The following TCF20 variants were observed in gnomAD, a reference collection of about 807,000 sequenced individuals.
TCF20 encodes SPRE-binding protein.
TCF20 carries 3 observed loss-of-function variants against 148.6 expected under a neutral mutation model. The ratio of observed to expected loss-of-function variants is 0.02; its 90% CI spans 0.01 to 0.05. TCF20 has a LOEUF of 0.05. TCF20 is among the 10% of genes least tolerant of loss of function. The probability of loss-of-function intolerance (pLI) is 1.00; values close to 1 mark genes in which losing one functional copy is unlikely to be tolerated. For missense variants in TCF20, 2,350 were observed against 2,429.3 expected, an observed-to-expected ratio of 0.97 and a Z score of 0.69; for synonymous variants, 1,049 against 909.5, an observed-to-expected ratio of 1.15 and a Z score of -2.76.
chr22:42,263,755 T>G (rs1024156457), intron 1 of TCF20, among the ~76,000 whole-genome samples: 1 of 152,166 alleles, frequency 6.6e-6, no homozygotes, highest in South Asian at 2.1e-4. Context: ...CTCCTTGATA[T>G]CTTAAGATTG....
intron 2 of TCF20, among the ~76,000 whole-genome samples, chr22:42,191,810 G>A (rs1015238413): frequency 4.6e-5 from 7 of 152,200 alleles, no homozygotes; most frequent in African/African-American, 1.7e-4. Flanking sequence ...CCATTGATTA[G>A]CACTTTTCCT....
In TCF20 at chr22:42,214,221, T is replaced by C; in HGVS notation, c.1085A>G (p.Gln362Arg). 2 of 1,614,242 alleles carry C rather than the reference T, an allele frequency of 1.2e-6. No individual in the cohort carries two copies. The highest frequency in any genetic ancestry group is 1.7e-6 in the Non-Finnish European group (2 of 1,180,042). ...AGGGTTAGAAATGGGGCTGAAGTTC[T>C]GGTGAAACTGCATGGGGGACCTCAC... ...VPVRSPMQFHQNFSPISNPSP... is the reference protein window; with the variant it reads ...VPVRSPMQFHRNFSPISNPSP... Residue 362 changes from glutamine (Q) to arginine (R), a missense_variant, in exon 2 of 6, where the codon CAG (glutamine) becomes CGG (arginine). Around this residue, in one of 7 missense-constraint regions of TCF20, gnomAD observed 1,641 missense variants for 1,662.6 expected, o/e 0.99. Coordinates refer to ENST00000677622, the MANE Select transcript of TCF20 (RefSeq NM_001378418.1).
chr22:42,188,387 T>C (rs534358796), intron 2 of TCF20, among the ~76,000 whole-genome samples: 99 of 150,096 alleles, frequency 6.6e-4, no homozygotes, highest in African/African-American at 2.4e-3. Flanking sequence ...AGGTAACCCT[T>C]GGCTAACGAA....
At chr22:42,234,229 G>C (rs1403439154) in intron 1 of TCF20, among the ~76,000 whole-genome samples, 2 of 152,236 alleles carry the variant, frequency 1.3e-5, no homozygotes, top group Non-Finnish European at 2.9e-5. Flanking sequence ...GGGACAAACA[G>C]ATTTTAATGT....
chr22:42,287,378 C>T (rs765821175), upstream of TCF20, among the ~76,000 whole-genome samples: 10 of 152,142 alleles, frequency 6.6e-5, no homozygotes, highest in Non-Finnish European at 7.3e-5. Context: ...GCCCAGAGAA[C>T]GGAACTGAGT....
At chr22:42,180,111 G>T (rs1936699204) in intron 2 of TCF20, among the ~76,000 whole-genome samples, 1 of 152,162 alleles carries the variant, frequency 6.6e-6, no homozygotes, top group African/African-American at 2.4e-5. Context: ...AAAATCTGGG[G>T]TAAGAGAGGG....
chr22:42,166,014 T>A (rs1026802067), intron 5 of TCF20, among the ~76,000 whole-genome samples: 3 of 152,068 alleles, frequency 2.0e-5, no homozygotes, highest in African/African-American at 7.2e-5. Flanking sequence ...CCAAGATGAG[T>A]CCTCCTTTAG....
chr22:42,202,017 C>G (rs2147167241), intron 2 of TCF20, among the ~76,000 whole-genome samples: 1 of 152,192 alleles, frequency 6.6e-6, no homozygotes, highest in South Asian at 2.1e-4. Flanking sequence ...CCTGAAATAC[C>G]TCACACCCTG....
chr22:42,249,697 C>T (rs983688497), intron 1 of TCF20, among the ~76,000 whole-genome samples: 1 of 152,158 alleles, frequency 6.6e-6, no homozygotes, highest in Non-Finnish European at 1.5e-5. Context: ...TTGAAGATCG[C>T]AGAAGTGAAA....
At chr22:42,203,738 C>T (rs979387188) in intron 2 of TCF20, among the ~76,000 whole-genome samples, 4 of 152,068 alleles carry the variant, frequency 2.6e-5, no homozygotes, top group African/African-American at 9.7e-5. Flanking sequence ...AAAGCAAGTG[C>T]TTGCCAGAGA....
intron 1 of TCF20, among the ~76,000 whole-genome samples, chr22:42,337,258 C>T (rs972246761): frequency 5.3e-5 from 8 of 152,076 alleles, no homozygotes; most frequent in African/African-American, 1.9e-4. Flanking sequence ...ACTCCTCTCC[C>T]CCTTATCCTC....
At chr22:42,244,420 T>C (rs915297038) in intron 1 of TCF20, among the ~76,000 whole-genome samples, 20 of 152,150 alleles carry the variant, frequency 1.3e-4, no homozygotes, top group East Asian at 1.2e-3. Context: ...GAACAGATTG[T>C]GGTATATACA....
intron 1 of TCF20, among the ~76,000 whole-genome samples, chr22:42,340,681 G>C (rs575957741): frequency 3.2e-4 from 49 of 152,258 alleles, no homozygotes; most frequent in African/African-American, 1.2e-3. Flanking sequence ...CTGGGACAAG[G>C]ACATTCAGGT....
intron 2 of TCF20, among the ~76,000 whole-genome samples, chr22:42,209,004 T>A (rs1938585749): frequency 6.6e-6 from 1 of 152,186 alleles, no homozygotes; most frequent in Non-Finnish European, 1.5e-5. Context: ...GATGAAAAAT[T>A]AGAATGGCAG....
chr22:42,218,868 C>A lies in TCF20; in HGVS notation c.-36-3527G>T, dbSNP rs774382383. Among the ~76,000 whole-genome samples the A allele has an allele frequency of 9.2e-5, 14 of 151,722 alleles. 1 individual carries two copies. The highest frequency in any genetic ancestry group is 1.6e-4 in the Non-Finnish European group (11 of 67,964). ...CCCTGTCCTGTATGATACCCCTTTCCCTATTGTTATGGTTCTACTTTATGA... is the reference window on the plus strand; with the variant it reads ...CCCTGTCCTGTATGATACCCCTTTCACTATTGTTATGGTTCTACTTTATGA... On this transcript the variant is annotated intron_variant, in intron 1 of 5. Coordinates refer to ENST00000677622, the MANE Select transcript of TCF20 (RefSeq NM_001378418.1).
chr22:42,173,089 A>G (rs573479199), intron 3 of TCF20, among the ~76,000 whole-genome samples: 1 of 152,040 alleles, frequency 6.6e-6, no homozygotes, highest in East Asian at 1.9e-4. Flanking sequence ...GAGCTGCAGA[A>G]AGTAGAATTC....
chr22:42,250,128 A>T (rs1925242328), intron 1 of TCF20, among the ~76,000 whole-genome samples: 1 of 152,068 alleles, frequency 6.6e-6, no homozygotes, highest in African/African-American at 2.4e-5. Flanking sequence ...TAGCTAGAAG[A>T]CTATGGTCTC....
chr22:42,201,028 T>C (rs1287615002), intron 2 of TCF20, among the ~76,000 whole-genome samples: 3 of 152,212 alleles, frequency 2.0e-5, no homozygotes, highest in African/African-American at 7.2e-5. Flanking sequence ...GGCTGGATCA[T>C]GTGGGTGCTA....
At chr22:42,286,772 G>A (rs947257676), upstream of TCF20, among the ~76,000 whole-genome samples, 1 of 152,212 alleles carries the variant, frequency 6.6e-6, no homozygotes, top group African/African-American at 2.4e-5. Flanking sequence ...ATGTCACTGA[G>A]ATTTTGCGTG....
Sources: gnomAD v4.1 joint callset for allele counts (sites outside exome capture counted in the v4.1 genomes callset) on GRCh38, gnomAD v4.1.1 for gene constraint, gnomAD v4.1.1 regional missense constraint, MANE v1.5 for transcripts, NCBI Gene and HGNC (gene_info 2026-07-23, HGNC 2026-07-21) for gene names.